MSRB1: variants seen among roughly 807,000 people sequenced by gnomAD.
The protein encoded by MSRB1 is methionine sulfoxide reductase B1, also known as methionine-R-sulfoxide reductase B1.
In MSRB1, 13 loss-of-function variants were observed where a neutral mutation model predicts 15.2. The observed-to-expected ratio is 0.86, with a 90% CI of 0.56 to 1.36. The LOEUF (loss-of-function observed/expected upper bound fraction) is 1.36. MSRB1 is among the 40% of genes most tolerant of loss of function. The probability of loss-of-function intolerance (pLI) is 0.00; values close to 1 mark genes in which losing one functional copy is unlikely to be tolerated. For missense variants in MSRB1, 174 were observed against 155.9 expected, an observed-to-expected ratio of 1.12 and a Z score of -0.62; for synonymous variants, 68 against 64.5, an observed-to-expected ratio of 1.05 and a Z score of -0.26.
chr16:1,942,992 C>T, intron 1 of MSRB1, 110 bp downstream of exon 1: 1 of 1,428,590 alleles, frequency 7.0e-7, no homozygotes. Context: ...CAGCCACATT[C>T]GCCCCCATTC....
chr16:1,940,856 C>G lies in MSRB1; in HGVS notation c.241G>C (p.Glu81Gln). 4 of 1,614,160 alleles carry G rather than the reference C, an allele frequency of 2.5e-6. No individual in the cohort carries two copies. Among genetic ancestry groups the G allele is most frequent in the Non-Finnish European group, 2.5e-6 (3 of 1,180,054 alleles). Reference sequence around the variant, plus strand: ...GGCTTGGGGCCGTCGTTCAGGAACTCGTGGCCCAACCCATTGCCACACTTG... The same window carrying G: ...GGCTTGGGGCCGTCGTTCAGGAACTGGTGGCCCAACCCATTGCCACACTTG... ...CGKCGNGLGH[E>Q]FLNDGPKPGQ... Residue 81 changes from glutamate (E) to glutamine (Q), a missense_variant, in exon 3 of 4, where the codon GAG becomes CAG. Glu to Gln is a conservative substitution (Grantham distance 29). Transcript: ENST00000361871.
chr16:1,941,466 CCCAAATCCA>C (rs1308171235), intron 1 of MSRB1, 61 bp from the exon 2 acceptor site: 2 of 1,518,866 alleles, frequency 1.3e-6, no homozygotes, highest in East Asian at 4.8e-5. Flanking sequence ...GGGTCAAGCT[CCCAAATCCA>C]CCAACCCAGG....
rs749602431 is a variant in MSRB1 at position 1,941,275 on chromosome 16, A to G, written c.186T>C (p.Asn62=). ...CTCTCACCTTCAAGGCTTCAGATCT[A>G]TTGTGCTCCGGACGCTTGGCCACGC... ...ADSVAKRPEH[N]RSEALKVSCG... Residue 62 remains asparagine (N), a synonymous_variant, in exon 2 of 4, where the codon AAT becomes AAC. Coordinates refer to ENST00000361871, the MANE Select transcript of MSRB1 (RefSeq NM_016332.4). 42 of 1,610,982 alleles carry G rather than the reference A, an allele frequency of 2.6e-5. No homozygotes were observed. Among genetic ancestry groups the G allele is most frequent in the Middle Eastern group, 3.3e-4 (2 of 6,082 alleles).
At chr16:1,941,012 C>T (rs749028479) in intron 2 of MSRB1, 120 bp from the exon 3 acceptor site, 12 of 1,558,620 alleles carry the variant, frequency 7.7e-6, no homozygotes, top group Admixed American at 1.9e-5. Context: ...AGCTGACCGC[C>T]GACATAAGAG....
In MSRB1 at chr16:1,938,920, C is replaced by T; in HGVS notation, c.*192G>A. ...GCCTGTCCCAGCAGAAGGCATGAAC[C>T]ATCAGCAAATGAGTCTCTTTTCCAA... On this transcript the variant is annotated 3_prime_UTR_variant, in exon 4 of 4. Transcript: ENST00000361871. 1.3e-6 allele frequency: 1 copy of T among 770,642 alleles called. No individual in the cohort carries two copies. The highest frequency in any genetic ancestry group is 1.6e-5 in the South Asian group (1 of 62,352). The allele number at this position is 770,642 out of a possible 1,614,324, so 47.7% of individuals were successfully genotyped here. A position where few individuals can be genotyped will look rare whatever the true frequency, so the allele number is the denominator to read the frequency against.
intron 3 of MSRB1, 125 bp downstream of exon 3, chr16:1,940,653 C>G (rs2150856646): frequency 8.3e-7 from 1 of 1,211,230 alleles, no homozygotes; most frequent in East Asian, 2.5e-5. Flanking sequence ...CTGGACAGTT[C>G]CCAGGCAGCG....
chr16:1,942,174 A>G (rs1389165764), intron 1 of MSRB1, among the ~76,000 whole-genome samples: 1 of 152,218 alleles, frequency 6.6e-6, no homozygotes, highest in African/African-American at 2.4e-5. Flanking sequence ...GAAAAAAGCA[A>G]AGAGAAGCCA....
intron 1 of MSRB1, among the ~76,000 whole-genome samples, chr16:1,942,302 C>G (rs2083082458): frequency 6.6e-6 from 1 of 152,228 alleles, no homozygotes; most frequent in South Asian, 2.1e-4. Flanking sequence ...TGTCACAGCC[C>G]AACCCGCTAC....
rs752182401 is a variant in MSRB1, at chr16:1,939,161, G to C, written c.320-18C>G. 1.3e-5 allele frequency: 20 copies of C among 1,597,976 alleles called. No homozygotes were observed. The highest frequency in any genetic ancestry group is 3.3e-4 in the Middle Eastern group (2 of 6,016). ...TTCTTTGCCTGAAAGAGAGGAGAGG[G>C]GGCGGAAAGTATGCGGGGACAGAAA... On this transcript the variant is annotated intron_variant, in intron 3 of 3. Transcript: ENST00000361871.
intron 3 of MSRB1, among the ~76,000 whole-genome samples, chr16:1,940,143 G>A (rs1467858979): frequency 3.3e-5 from 5 of 151,894 alleles, no homozygotes; most frequent in African/African-American, 9.7e-5. Context: ...GTGGTGATGC[G>A]TGCCTGCAAT....
Position 1,938,625 on chromosome 16 carries a change from C to A in MSRB1, c.*487G>T. The A allele has an allele frequency of 4.9e-6, 1 of 202,398 alleles. No individual in the cohort carries two copies. Among genetic ancestry groups the A allele is most frequent in the Non-Finnish European group, 1.0e-5 (1 of 97,296 alleles). 12.5% of individuals were successfully genotyped at this position (202,398 alleles called of 1,614,324 possible). A position where few individuals can be genotyped will look rare whatever the true frequency, so the allele number is the denominator to read the frequency against. Reference sequence around the variant, plus strand: ...AAGGGTTTGACCAGAGCGGATCATGCAGTGACCAGGGCCAGGGCGGCTGGC... The same window carrying A: ...AAGGGTTTGACCAGAGCGGATCATGAAGTGACCAGGGCCAGGGCGGCTGGC... On this transcript the variant is annotated 3_prime_UTR_variant, in exon 4 of 4. Coordinates refer to ENST00000361871, the MANE Select transcript of MSRB1 (RefSeq NM_016332.4).
intron 3 of MSRB1, among the ~76,000 whole-genome samples, chr16:1,940,514 C>G (rs1317931517): frequency 6.6e-6 from 1 of 152,256 alleles, no homozygotes; most frequent in African/African-American, 2.4e-5. Flanking sequence ...AAAGGCCAGG[C>G]CTCTGAGGAA....
chr16:1,941,337 G>C lies in MSRB1; in HGVS notation c.124C>G (p.Pro42Ala), dbSNP rs769045201. 1 of 1,607,224 alleles carries C rather than the reference G, an allele frequency of 6.2e-7. No individual in the cohort carries two copies. Among genetic ancestry groups the C allele is most frequent in the Non-Finnish European group, 8.5e-7 (1 of 1,177,250 alleles). ...ATGGTCTCGGTGAACGCCGGCCATGGAGACGAGTGTGCATACTTCGAGCGG... is the reference window on the plus strand; with the variant it reads ...ATGGTCTCGGTGAACGCCGGCCATGCAGACGAGTGTGCATACTTCGAGCGG... The part of the protein sequence containing the change: ...SSRSKYAHSS[P>A]WPAFTETIHA... The change falls in exon 2 of 4, where the codon CCA becomes GCA. Residue 42 changes from proline (P) to alanine (A), a missense_variant. Transcript: ENST00000361871.
rs752948652 is a variant in MSRB1, at chr16:1,939,074, AG to A, written c.*37del. ...GGTGGAATGGCCAACGTGTGGCCTC[AG>A]TGTGGTGGCCGTCTGGGGTGGGTGT... On this transcript the variant is annotated 3_prime_UTR_variant, in exon 4 of 4. Transcript: ENST00000361871. 1.2e-6 allele frequency: 2 copies of A among 1,611,882 alleles called. No individual in the cohort carries two copies. The highest frequency in any genetic ancestry group is 2.2e-5 in the South Asian group (2 of 90,928).
Position 1,939,025 on chromosome 16 carries a change from C to G in MSRB1, c.*87G>C. 1 of 1,530,334 alleles carries G rather than the reference C, an allele frequency of 6.5e-7. No individual in the cohort carries two copies. 94.8% of individuals were successfully genotyped at this position (1,530,334 alleles called of 1,614,324 possible). On this transcript the variant is annotated 3_prime_UTR_variant, in exon 4 of 4. Coordinates refer to ENST00000361871, the MANE Select transcript of MSRB1 (RefSeq NM_016332.4). ...ACCACTGCGCCCTGCCTTCCTGTCTCGACGCCCAGGGTTCCAACTCCAAGG... is the reference window on the plus strand; with the variant it reads ...ACCACTGCGCCCTGCCTTCCTGTCTGGACGCCCAGGGTTCCAACTCCAAGG...
chr16:1,941,371 C>T lies in MSRB1; in HGVS notation c.90G>A (p.Leu30=), dbSNP rs2083076173. The T allele has an allele frequency of 1.2e-6, 2 of 1,613,606 alleles. No homozygotes were observed. Among genetic ancestry groups the T allele is most frequent in the South Asian group, 2.2e-5 (2 of 91,022 alleles). Residue 30 remains leucine, a synonymous_variant, in exon 2 of 4, where the codon CTG becomes CTA. Transcript: ENST00000361871. ...GTGCATACTTCGAGCGGCTGGAGAA[C>T]AGCTCATAGCCACACTTGGCACACA... The part of the protein sequence containing the change: ...VYVCAKCGYE[L]FSSRSKYAHS...
intron 3 of MSRB1, 112 bp from the exon 4 acceptor site, chr16:1,939,255 T>A (rs1214815755): frequency 8.2e-7 from 1 of 1,215,782 alleles, no homozygotes; most frequent in Admixed American, 2.6e-5. Context: ...AGCAAGTCAC[T>A]GCAAGGCAGA....
intron 2 of MSRB1, 37 bp from the exon 3 acceptor site, chr16:1,940,929 C>T (rs769518673): frequency 1.9e-6 from 3 of 1,613,238 alleles, no homozygotes; most frequent in Non-Finnish European, 2.5e-6. Context: ...GAGCTTCTGG[C>T]CATGATACAG....
At chr16:1,941,435 T>C in intron 1 of MSRB1, 30 bp from the exon 2 acceptor site, 6 of 1,587,856 alleles carry the variant, frequency 3.8e-6, no homozygotes, top group Non-Finnish European at 5.1e-6. Flanking sequence ...AAATGTGGAG[T>C]CATCAGCTCC....
Sources: allele counts gnomAD v4.1 joint callset (sites outside exome capture counted in the v4.1 genomes callset), GRCh38; gene constraint gnomAD v4.1.1; transcripts MANE v1.5; gene names NCBI Gene and HGNC (gene_info 2026-07-23, HGNC 2026-07-21).